The following ZNF254 variants were observed in gnomAD, a reference collection of about 807,000 sequenced individuals.
The protein encoded by ZNF254 is CTD-2017D11.1.
ZNF254 carries 10 observed loss-of-function variants against 12.4 expected under a neutral mutation model. The observed-to-expected ratio is 0.80, with a 90% CI of 0.50 to 1.36. The LOEUF (loss-of-function observed/expected upper bound fraction) is 1.36, where lower values mean the gene tolerates loss of function less well. Among genes scored for constraint, ZNF254 ranks in the 40% most tolerant of loss-of-function variants. The probability of loss-of-function intolerance (pLI) is 0.00; values close to 1 mark genes in which losing one functional copy is unlikely to be tolerated. For synonymous variants in ZNF254, 305 were observed against 253.4 expected, an observed-to-expected ratio of 1.20 and a Z score of -1.93; for missense variants, 996 against 763.9, an observed-to-expected ratio of 1.30 and a Z score of -3.58.
chr19:24,071,880 G>T (rs1190845350), intron 2 of ZNF254, among the ~76,000 whole-genome samples: 1 of 152,164 alleles, frequency 6.6e-6, no homozygotes, highest in Non-Finnish European at 1.5e-5. Context: ...CAGGGCTCAT[G>T]CAGGAGAGTC....
exon 1 of ZNF254, chr19:24,033,519 G>A (rs924630609): frequency 4.5e-6 from 1 of 221,708 alleles, no homozygotes; most frequent in Non-Finnish European, 9.4e-6. Context: ...TCTCCACCTC[G>A]GGAGCCCCTG....
At chr19:24,034,499 T>G (rs995896266) in intron 1 of ZNF254, among the ~76,000 whole-genome samples, 1 of 136,578 alleles carries the variant, frequency 7.3e-6, no homozygotes, top group African/African-American at 2.7e-5. Context: ...TTTTTTTTTT[T>G]TTTTTTTTTT....
chr19:24,115,464 A>G (rs1396294290), intron 3 of ZNF254, among the ~76,000 whole-genome samples: 1 of 150,632 alleles, frequency 6.6e-6, no homozygotes, highest in Non-Finnish European at 1.5e-5. Flanking sequence ...TCATGGGGGG[A>G]ATTGAACAAT....
chr19:24,053,152 G>T (rs565591902), intron 2 of ZNF254, among the ~76,000 whole-genome samples: 1 of 152,234 alleles, frequency 6.6e-6, no homozygotes, highest in East Asian at 1.9e-4. Flanking sequence ...ATGTTAATTC[G>T]ATCCATAGAG....
Position 24,127,737 on chromosome 19 carries a change from TG to T in ZNF254, c.1739del (p.Gly580AlafsTer15). ...AGAAACCCTATAAATGTGAAGAATG[TG>T]GCAAATCTTTTAACCGGTCTTCAAC... ...GEKPYKCEEC[G>X]KSFNRSSTFT... On this transcript the variant is annotated frameshift_variant, in exon 4 of 4. Coordinates refer to ENST00000357002, the MANE Select transcript of ZNF254 (RefSeq NM_203282.4). LOFTEE classifies it low-confidence loss of function (END_TRUNC). 1.2e-6 allele frequency: 2 copies of T among 1,612,922 alleles called. No individual in the cohort carries two copies. Among genetic ancestry groups the T allele is most frequent in the Non-Finnish European group, 1.7e-6 (2 of 1,179,568 alleles).
intron 2 of ZNF254, among the ~76,000 whole-genome samples, chr19:24,050,386 C>T (rs993137405): frequency 9.9e-5 from 15 of 152,150 alleles, no homozygotes; most frequent in Non-Finnish European, 1.9e-4. Flanking sequence ...TATCAAACTC[C>T]TGACCTCAGC....
intron 1 of ZNF254, among the ~76,000 whole-genome samples, chr19:24,096,957 G>T (rs1972706984): frequency 6.6e-6 from 1 of 152,144 alleles, no homozygotes; most frequent in African/African-American, 2.4e-5. Flanking sequence ...GGACCTGTCT[G>T]TTGTAAAACA....
chr19:24,062,066 CAA>C lies in ZNF254; in HGVS notation c.-94+15788_-94+15789del, dbSNP rs1971090559. Among the ~76,000 whole-genome samples, 4 of 107,476 alleles carry C rather than the reference CAA, an allele frequency of 3.7e-5. No homozygotes were observed. The Admixed American group carries it at 4.6e-4, about 12-fold the overall frequency. The allele number at this position is 107,476 out of a possible 152,430, so 70.5% of individuals were successfully genotyped here. ...CACCGTTGCACTCCAGTCTGGGCAA[CAA>C]GAGTGAAACTCTGTCTCACAAAAAA... is the stretch of plus-strand genomic sequence containing the variant. On this transcript the variant is annotated intron_variant, in intron 2 of 4. Transcript: ENST00000613065.
chr19:24,102,837 CTCTA>C (rs950742387), intron 1 of ZNF254, among the ~76,000 whole-genome samples: 15 of 152,154 alleles, frequency 9.9e-5, no homozygotes, highest in South Asian at 4.1e-4. Flanking sequence ...TTTCATTAAA[CTCTA>C]TCTGTGTCCT....
intron 1 of ZNF254, among the ~76,000 whole-genome samples, chr19:24,034,936 G>A (rs573046763): frequency 9.7e-4 from 141 of 145,238 alleles, no homozygotes; most frequent in African/African-American, 3.4e-3. Flanking sequence ...GGCACCTGCC[G>A]TCATGCGCAG....
intron 3 of ZNF254, among the ~76,000 whole-genome samples, chr19:24,117,764 C>T (rs1313411371): frequency 6.6e-6 from 1 of 152,008 alleles, no homozygotes; most frequent in African/African-American, 2.4e-5. Flanking sequence ...GATGGAAATG[C>T]AGAAATCACC....
chr19:24,083,703 C>T (rs541317376), upstream of ZNF254, among the ~76,000 whole-genome samples: 144 of 152,180 alleles, frequency 9.5e-4, 1 homozygote, highest in African/African-American at 3.4e-3. Context: ...AGAAGATATA[C>T]AAATGGCCAA....
chr19:24,108,822 G>C (rs1404391967), intron 3 of ZNF254, among the ~76,000 whole-genome samples: 1 of 152,160 alleles, frequency 6.6e-6, no homozygotes, highest in East Asian at 1.9e-4. Context: ...TACATGTCGT[G>C]CCTGAATTAA....
intron 1 of ZNF254, among the ~76,000 whole-genome samples, chr19:24,101,263 T>G (rs894722142): frequency 5.3e-5 from 8 of 152,240 alleles, no homozygotes; most frequent in Non-Finnish European, 7.3e-5. Context: ...ATGATGTTTA[T>G]CTAGAATCTG....
In ZNF254 at chr19:24,057,813, A is replaced by G. The variant is rs577910735; in HGVS notation, c.-94+11534A>G. Among the ~76,000 whole-genome samples the G allele has an allele frequency of 3.9e-5, 6 of 152,362 alleles. No homozygotes were observed. In the East Asian group the frequency reaches 5.8e-4, roughly 15 times the overall value. On this transcript the variant is annotated intron_variant, in intron 2 of 4. Coordinates refer to the ZNF254 transcript ENST00000613065. Reference sequence around the variant, plus strand: ...ATTGTGTCTCTCATTCAATGATTCAATTCATTCTAAAAATGTGACTTGTGT... The same window carrying G: ...ATTGTGTCTCTCATTCAATGATTCAGTTCATTCTAAAAATGTGACTTGTGT...
chr19:24,128,061 A>G lies in ZNF254; in HGVS notation c.*81A>G. 7.3e-7 allele frequency: 1 copy of G among 1,378,518 alleles called. No individual in the cohort carries two copies. The highest frequency in any genetic ancestry group is 9.5e-7 in the Non-Finnish European group (1 of 1,047,646). The allele number at this position is 1,378,518 out of a possible 1,614,324, so 85.4% of individuals were successfully genotyped here. A position where few individuals can be genotyped will look rare whatever the true frequency, so the allele number is the denominator to read the frequency against. On this transcript the variant is annotated 3_prime_UTR_variant, in exon 4 of 4. Transcript: ENST00000357002. Reference sequence around the variant, plus strand: ...CTACTGGAGAGAAACTACAAACCTGAGAGAGGCGCTAATGCTTTTGACAGT... The same window carrying G: ...CTACTGGAGAGAAACTACAAACCTGGGAGAGGCGCTAATGCTTTTGACAGT...
intron 2 of ZNF254, 88 bp downstream of exon 2, chr19:24,106,154 A>G: frequency 6.9e-7 from 1 of 1,446,546 alleles, no homozygotes; most frequent in South Asian, 1.3e-5. Flanking sequence ...ACGCATTCAG[A>G]TTTCTGTTTT....
intron 1 of ZNF254, among the ~76,000 whole-genome samples, chr19:24,090,338 T>G (rs1030357026): frequency 6.6e-6 from 1 of 152,160 alleles, no homozygotes; most frequent in African/African-American, 2.4e-5. Context: ...GTGAGTAGGA[T>G]GGGGTGGGAC....
chr19:24,064,717 G>A (rs1971206980), intron 2 of ZNF254: 1 of 152,064 alleles, frequency 6.6e-6, no homozygotes, highest in Non-Finnish European at 1.5e-5. Flanking sequence ...AGTAGAGATG[G>A]GGTTTCTTCA....
Sources: gnomAD v4.1 joint callset for allele counts (sites outside exome capture counted in the v4.1 genomes callset) on GRCh38, gnomAD v4.1.1 for gene constraint, MANE v1.5 for transcripts, NCBI Gene and HGNC (gene_info 2026-07-23, HGNC 2026-07-21) for gene names.